Variants in PGM5 observed in about 807,000 individuals in gnomAD.
The protein encoded by PGM5 is phosphoglucomutase-like protein 5.
Under a neutral mutation model 59.2 loss-of-function variants are expected in PGM5, and 23 were observed. The ratio of observed to expected loss-of-function variants is 0.39; its 90% CI spans 0.28 to 0.55. The LOEUF (loss-of-function observed/expected upper bound fraction) is 0.55. Ranked by LOEUF, PGM5 falls within the 20% of genes least tolerant of loss-of-function variation. The pLI, the probability that PGM5 is intolerant of heterozygous loss-of-function variation, is 0.66. For synonymous variants in PGM5, 214 were observed against 286.0 expected, an observed-to-expected ratio of 0.75 and a Z score of 2.54; for missense variants, 574 against 748.3, an observed-to-expected ratio of 0.77 and a Z score of 2.72.
chr9:68,426,677 G>A (rs1823244732), intron 6 of PGM5, among the ~76,000 whole-genome samples: 1 of 151,204 alleles, frequency 6.6e-6, no homozygotes, highest in Non-Finnish European at 1.5e-5. Flanking sequence ...TGGAGTCAAA[G>A]TGAATGACCA....
At chr9:68,470,620 C>T (rs1435877848) in intron 7 of PGM5, among the ~76,000 whole-genome samples, 4 of 152,180 alleles carry the variant, frequency 2.6e-5, no homozygotes, top group Non-Finnish European at 2.9e-5. Context: ...TGGTTATTCC[C>T]TCTACATTTG....
At chr9:68,513,018 G>C (rs1554689496) in intron 10 of PGM5, among the ~76,000 whole-genome samples, 2 of 152,186 alleles carry the variant, frequency 1.3e-5, no homozygotes, top group African/African-American at 4.8e-5. Context: ...GCCAGGGTTT[G>C]GCCTAAGGCC....
chr9:68,415,156 C>A (rs1259842874), intron 6 of PGM5, among the ~76,000 whole-genome samples: 1 of 149,262 alleles, frequency 6.7e-6, no homozygotes, highest in Non-Finnish European at 1.5e-5. Context: ...TGTCCATTTA[C>A]TTTCTGGTCA....
At chr9:68,384,097 T>G (rs1822152831) in intron 2 of PGM5, among the ~76,000 whole-genome samples, 1 of 152,052 alleles carries the variant, frequency 6.6e-6, no homozygotes, top group Non-Finnish European at 1.5e-5. Flanking sequence ...GTAACCAGGT[T>G]TCCCTGGCAG....
chr9:68,444,734 G>T (rs560898949), intron 6 of PGM5, among the ~76,000 whole-genome samples: 1 of 152,286 alleles, frequency 6.6e-6, no homozygotes, highest in South Asian at 2.1e-4. Flanking sequence ...TTCAGCAGGG[G>T]TTGGGTATTT....
intron 6 of PGM5, among the ~76,000 whole-genome samples, chr9:68,451,451 A>C (rs1014168625): frequency 1.3e-5 from 2 of 152,228 alleles, no homozygotes; most frequent in Admixed American, 6.5e-5. Flanking sequence ...GTCATTTCAA[A>C]AGCAAAATTA....
intron 9 of PGM5, among the ~76,000 whole-genome samples, chr9:68,487,032 C>A (rs1024113614): frequency 1.3e-5 from 2 of 152,150 alleles, no homozygotes; most frequent in Admixed American, 6.5e-5. Context: ...GATTTGATTT[C>A]TATAAGGAGA....
At chr9:68,361,893 T>C (rs2131971750) in intron 1 of PGM5, among the ~76,000 whole-genome samples, 1 of 152,162 alleles carries the variant, frequency 6.6e-6, no homozygotes, top group Admixed American at 6.5e-5. Context: ...TTAGTGATGG[T>C]GAGATGATCG....
chr9:68,394,853 C>T (rs1234211624), intron 6 of PGM5, among the ~76,000 whole-genome samples: 7 of 152,092 alleles, frequency 4.6e-5, no homozygotes, highest in Non-Finnish European at 7.4e-5. Context: ...AATTCCTGGC[C>T]TGAAGTGATC....
At chr9:68,384,612 G>A in intron 3 of PGM5, 68 bp downstream of exon 3, 2 of 996,176 alleles carry the variant, frequency 2.0e-6, no homozygotes, top group South Asian at 3.0e-5. Context: ...TTTCTGTAGG[G>A]AAGTAAACTC....
intron 7 of PGM5, among the ~76,000 whole-genome samples, chr9:68,472,296 T>C (rs910526097): frequency 2.0e-4 from 30 of 152,334 alleles, no homozygotes; most frequent in African/African-American, 6.7e-4. Flanking sequence ...GGCTTCACAG[T>C]GTCTGCTGCT....
chr9:68,490,514 C>G (rs1824373883), intron 9 of PGM5, among the ~76,000 whole-genome samples: 1 of 152,106 alleles, frequency 6.6e-6, no homozygotes, highest in Non-Finnish European at 1.5e-5. Context: ...GCCACCATAC[C>G]CGGCTAATTT....
chr9:68,357,058 T>C lies in PGM5; in HGVS notation c.-70T>C. ...GAGTCCCGGCGCGCAGCCAGGCTGG[T>C]GGAGGCCCCCGGCAGGCTGCAGATT... On this transcript the variant is annotated 5_prime_UTR_variant, in exon 1 of 11. Coordinates refer to ENST00000396396, the MANE Select transcript of PGM5 (RefSeq NM_021965.4). 7.2e-7 allele frequency: 1 copy of C among 1,382,176 alleles called. No homozygotes were observed. Among genetic ancestry groups the C allele is most frequent in the Non-Finnish European group, 9.4e-7 (1 of 1,068,492 alleles). 85.6% of individuals were successfully genotyped at this position (1,382,176 alleles called of 1,614,324 possible).
chr9:68,445,510 C>A (rs531944139), intron 6 of PGM5, among the ~76,000 whole-genome samples: 59 of 152,328 alleles, frequency 3.9e-4, no homozygotes, highest in African/African-American at 1.4e-3. Flanking sequence ...TGGAATACAG[C>A]AGACACCAGG....
At chr9:68,495,618 A>T (rs1360619742) in intron 9 of PGM5, among the ~76,000 whole-genome samples, 4 of 152,208 alleles carry the variant, frequency 2.6e-5, no homozygotes, top group African/African-American at 9.7e-5. Flanking sequence ...GAGAACATAA[A>T]ACTAAAGTGC....
At chr9:68,412,310 C>G (rs1822948920) in intron 6 of PGM5, among the ~76,000 whole-genome samples, 1 of 152,200 alleles carries the variant, frequency 6.6e-6, no homozygotes, top group South Asian at 2.1e-4. Flanking sequence ...GAAGAAAATG[C>G]TGTCTCTAAA....
intron 6 of PGM5, among the ~76,000 whole-genome samples, chr9:68,456,633 T>G (rs1823783249): frequency 6.7e-6 from 1 of 149,514 alleles, no homozygotes; most frequent in African/African-American, 2.5e-5. Flanking sequence ...TTTTTTTTTT[T>G]TTTTTCCTTG....
intron 7 of PGM5, among the ~76,000 whole-genome samples, chr9:68,476,341 CTCTTTT>C (rs1201663688): frequency 1.3e-5 from 2 of 152,096 alleles, no homozygotes; most frequent in African/African-American, 4.8e-5. Flanking sequence ...ATTGAGGTTT[CTCTTTT>C]TCTTATTGAC....
intron 9 of PGM5, among the ~76,000 whole-genome samples, chr9:68,489,240 G>C (rs1009978505): frequency 1.3e-5 from 2 of 152,186 alleles, no homozygotes; most frequent in African/African-American, 4.8e-5. Context: ...TCCTGGTATT[G>C]TGAGTGAAGG....
Sources: allele counts gnomAD v4.1 joint callset (sites outside exome capture counted in the v4.1 genomes callset), GRCh38; gene constraint gnomAD v4.1.1; transcripts MANE v1.5; gene names NCBI Gene and HGNC (gene_info 2026-07-23, HGNC 2026-07-21).